Variants in LAMA2 observed in about 807,000 individuals in gnomAD.
LAMA2 encodes laminin subunit alpha-2.
LAMA2 carries 269 observed loss-of-function variants against 364.8 expected under a neutral mutation model. The ratio of observed to expected loss-of-function variants is 0.74; its 90% CI spans 0.67 to 0.82. The LOEUF (loss-of-function observed/expected upper bound fraction) is 0.82. Among genes scored for constraint, LAMA2 ranks in the 40% least tolerant of loss-of-function variants. LAMA2 has a pLI of 0.00. For missense variants in LAMA2, 3,807 were observed against 3,873.2 expected (o/e 0.98, Z 0.45); for synonymous variants, 1,379 against 1,370.6 (o/e 1.01, Z -0.14).
chr6:129,499,808 C>G (rs1391989013), intron 58 of LAMA2, among the ~76,000 whole-genome samples: 1 of 152,178 alleles, frequency 6.6e-6, no homozygotes, highest in African/African-American at 2.4e-5. Flanking sequence ...ACCTTGAACT[C>G]CTAGGCTCAA....
At position 129,460,281 on chromosome 6, in the gene LAMA2, A is replaced by G. The variant is rs774181390; in HGVS notation, c.6949A>G (p.Asn2317Asp). Residue 2317 changes from asparagine (N) to aspartate (D), a missense_variant, in exon 49 of 65, where the codon AAT (asparagine) becomes GAT (aspartate). By Grantham distance (23) the Asn-to-Asp change is conservative. Around this residue, in one of 3 missense-constraint regions of LAMA2, gnomAD observed 3,333 missense variants for 3,345.7 expected, o/e 1.00. Transcript: ENST00000421865. ...YFDNKPIGLW[N>D]FREKEGDCKG... ...TGACAACAAACCTATAGGTTTGTGGAATTTCCGAGAAAAAGAAGGTGACTG... is the reference window on the plus strand; with the variant it reads ...TGACAACAAACCTATAGGTTTGTGGGATTTCCGAGAAAAAGAAGGTGACTG... 3 of 1,612,242 alleles carry G rather than the reference A, an allele frequency of 1.9e-6. No homozygotes were observed. The highest frequency in any genetic ancestry group is 2.5e-6 in the Non-Finnish European group (3 of 1,178,694).
At chr6:129,432,349 T>C (rs1353642402) in intron 41 of LAMA2, among the ~76,000 whole-genome samples, 1 of 152,202 alleles carries the variant, frequency 6.6e-6, no homozygotes, top group Non-Finnish European at 1.5e-5. Context: ...GCAGGTTCTA[T>C]TGGAAAGATT....
In LAMA2 at chr6:129,152,318, A is replaced by G. The variant is rs1034632258; in HGVS notation, c.1028-2187A>G. On this transcript the variant is annotated intron_variant, in intron 7 of 64. Coordinates refer to ENST00000421865, the MANE Select transcript of LAMA2 (RefSeq NM_000426.4). The stretch of plus-strand genomic sequence containing the variant: ...AATTGTATTCAAGGGTTGATAACAC[A>G]CAAGGTTGGTGGCTATGGAGAAAGT... Among the ~76,000 whole-genome samples, 3 of 152,254 alleles carry G rather than the reference A, an allele frequency of 2.0e-5. 1 individual carries two copies. The highest frequency in any genetic ancestry group is 2.0e-4 in the Admixed American group (3 of 15,282).
chr6:128,895,465 T>C lies in LAMA2; in HGVS notation c.112+12108T>C, dbSNP rs574885036. Among the ~76,000 whole-genome samples the C allele has an allele frequency of 1.0e-4, 12 of 119,392 alleles. No individual in the cohort carries two copies. In the South Asian group the frequency reaches 3.4e-3, roughly 33 times the overall value. 78.3% of individuals were successfully genotyped at this position (119,392 alleles called of 152,430 possible). On this transcript the variant is annotated intron_variant, in intron 1 of 64. Coordinates refer to ENST00000421865, the MANE Select transcript of LAMA2 (RefSeq NM_000426.4). Reference sequence around the variant, plus strand: ...GGCTAACATGGTGAAACCCTGTCTCTACTAAAAAAAAAAAAAAAAAAAAAA... The same window carrying C: ...GGCTAACATGGTGAAACCCTGTCTCCACTAAAAAAAAAAAAAAAAAAAAAA...
intron 40 of LAMA2, among the ~76,000 whole-genome samples, chr6:129,416,787 G>C (rs958684347): frequency 6.7e-6 from 1 of 150,162 alleles, no homozygotes; most frequent in Non-Finnish European, 1.5e-5. Flanking sequence ...CACCTGCCAA[G>C]GGTGATTCAG....
intron 28 of LAMA2, 129 bp from the exon 29 acceptor site, chr6:129,328,149 T>G: frequency 1.2e-6 from 1 of 811,284 alleles, no homozygotes; most frequent in Non-Finnish European, 2.2e-6. Context: ...GCACTTGCGT[T>G]TGTAAGTGAT....
chr6:129,454,397 A>G, intron 47 of LAMA2, 109 bp downstream of exon 47: 2 of 799,238 alleles, frequency 2.5e-6, no homozygotes, highest in Non-Finnish European at 4.1e-6. Flanking sequence ...CTGTGTATGC[A>G]TGTAAACACA....
At chr6:129,279,886 G>C (rs1178854142) in intron 17 of LAMA2, among the ~76,000 whole-genome samples, 175 bp from the exon 18 acceptor site, 1 of 152,152 alleles carries the variant, frequency 6.6e-6, no homozygotes, top group African/African-American at 2.4e-5. Flanking sequence ...TGCAGAAATA[G>C]CAATGTCATT....
chr6:129,246,869 C>T (rs1170790569), intron 12 of LAMA2, among the ~76,000 whole-genome samples: 2 of 152,058 alleles, frequency 1.3e-5, no homozygotes, highest in Non-Finnish European at 2.9e-5. Flanking sequence ...GAGGAAAGGG[C>T]AACGTATACT....
At chr6:129,242,136 G>A (rs1785431716) in intron 12 of LAMA2, among the ~76,000 whole-genome samples, 1 of 152,094 alleles carries the variant, frequency 6.6e-6, no homozygotes, top group Non-Finnish European at 1.5e-5. Context: ...TGCCTACAAG[G>A]CAAGATGAGA....
rs114455493 is a variant in LAMA2, at chr6:129,067,069, G to T, written c.396+7173G>T. On this transcript the variant is annotated intron_variant, in intron 3 of 64. Coordinates refer to ENST00000421865, the MANE Select transcript of LAMA2 (RefSeq NM_000426.4). ...AACACAATAAAACATAGACAAATGA[G>T]ATTACATTAAACTGAAACACATCTG... Among the ~76,000 whole-genome samples, 415 of 152,290 alleles carry T rather than the reference G, an allele frequency of 2.7e-3. 1 individual carries two copies. The highest frequency in any genetic ancestry group is 9.6e-3 in the African/African-American group (397 of 41,566).
At chr6:128,962,177 T>TAC (rs1331612857) in intron 1 of LAMA2, among the ~76,000 whole-genome samples, 25 of 122,274 alleles carry the variant, frequency 2.0e-4, no homozygotes, top group African/African-American at 8.5e-4. Context: ...TATATATATA[T>TAC]ATATATATAC....
At chr6:128,916,122 T>TC (rs1368564069) in intron 1 of LAMA2, among the ~76,000 whole-genome samples, 1 of 152,158 alleles carries the variant, frequency 6.6e-6, no homozygotes, top group Non-Finnish European at 1.5e-5. Context: ...TCCGCCCATC[T>TC]CCCTTGGTGA....
chr6:129,337,924 A>G (rs1010169792), intron 29 of LAMA2, among the ~76,000 whole-genome samples: 2 of 152,146 alleles, frequency 1.3e-5, no homozygotes, highest in Non-Finnish European at 1.5e-5. Flanking sequence ...AGTCATATGA[A>G]AAGGGTATGT....
At chr6:129,383,293 A>G (rs1022657672) in intron 35 of LAMA2, 60 bp downstream of exon 35, 3 of 1,263,470 alleles carry the variant, frequency 2.4e-6, no homozygotes, top group Non-Finnish European at 3.4e-6. Context: ...ACAGAAAGGG[A>G]TGACACAGGA....
chr6:129,448,286 C>G (rs563625045), intron 45 of LAMA2, among the ~76,000 whole-genome samples: 8 of 150,462 alleles, frequency 5.3e-5, no homozygotes, highest in Non-Finnish European at 7.4e-5. Flanking sequence ...CTGTCCCCCC[C>G]CAAAAAAAAA....
intron 10 of LAMA2, 129 bp from the exon 11 acceptor site, chr6:129,190,076 A>T: frequency 1.1e-6 from 1 of 915,016 alleles, no homozygotes; most frequent in Non-Finnish European, 1.7e-6. Context: ...TAAAAATATC[A>T]TTATACGTTA....
At chr6:128,884,039 T>A (rs1582596004) in intron 1 of LAMA2, among the ~76,000 whole-genome samples, 2 of 152,260 alleles carry the variant, frequency 1.3e-5, no homozygotes, top group Middle Eastern at 6.8e-3. Context: ...AGGAGACTTC[T>A]ATGTCATGTG....
chr6:129,110,505 T>G (rs1776090944), intron 4 of LAMA2, among the ~76,000 whole-genome samples: 1 of 152,084 alleles, frequency 6.6e-6, no homozygotes, highest in Non-Finnish European at 1.5e-5. Context: ...ATTAATGGAT[T>G]AACTATTGTT....
Sources: allele counts gnomAD v4.1 joint callset (sites outside exome capture counted in the v4.1 genomes callset), GRCh38; gene constraint gnomAD v4.1.1; regional missense constraint gnomAD v4.1.1; transcripts MANE v1.5; gene names NCBI Gene and HGNC (gene_info 2026-07-23, HGNC 2026-07-21).